The following ECM2 variants were observed in gnomAD, a reference collection of about 807,000 sequenced individuals.
ECM2 encodes the protein extracellular matrix protein 2, female organ and adipocyte specific.
In ECM2, 57 loss-of-function variants were observed where a neutral mutation model predicts 67.5. The observed-to-expected ratio is 0.84, with a 90% confidence interval of 0.68 to 1.05. The LOEUF (loss-of-function observed/expected upper bound fraction) is 1.05. Ranked by LOEUF, ECM2 falls within the 50% of genes least tolerant of loss-of-function variation. The pLI, the probability that ECM2 is intolerant of heterozygous loss-of-function variation, is 0.00. For missense variants in ECM2, 741 were observed against 822.8 expected, an observed-to-expected ratio of 0.90 and a Z score of 1.22; for synonymous variants, 258 against 294.5, an observed-to-expected ratio of 0.88 and a Z score of 1.27.
intron 4 of ECM2, 71 bp downstream of exon 4, chr9:92,514,560 C>T: frequency 6.6e-7 from 1 of 1,510,750 alleles, no homozygotes; most frequent in Non-Finnish European, 8.9e-7. Context: ...TAGGCGTGAG[C>T]CACCGTGCCC....
intron 4 of ECM2, among the ~76,000 whole-genome samples, chr9:92,513,304 C>T (rs1021497039): frequency 3.3e-5 from 5 of 152,192 alleles, no homozygotes; most frequent in African/African-American, 1.2e-4. Context: ...AAACAACTGA[C>T]AGTACCAAGT....
chr9:92,517,014 CAGA>C (rs71640591), intron 3 of ECM2: 6,048 of 152,462 alleles, frequency 0.04, 183 homozygotes, highest in South Asian at 0.098. Context: ...AGGCTTTTCT[CAGA>C]GGAGACTGGG....
At chr9:92,532,609 T>C (rs982457515) in intron 1 of ECM2, among the ~76,000 whole-genome samples, 8 of 152,324 alleles carry the variant, frequency 5.3e-5, no homozygotes, top group East Asian at 1.9e-4. Flanking sequence ...TCATCTGTGA[T>C]TTATCTGCTA....
At chr9:92,508,197 C>T (rs957851261) in intron 6 of ECM2, among the ~76,000 whole-genome samples, 1 of 152,168 alleles carries the variant, frequency 6.6e-6, no homozygotes, top group Non-Finnish European at 1.5e-5. Context: ...GCCCAGCACC[C>T]GAGGGGCCAG....
At chr9:92,554,209 G>C in the ECM2 span, among the ~76,000 whole-genome samples, 480 of 150,772 alleles carry the variant, frequency 3.2e-3, 4 homozygotes, top group Middle Eastern at 0.017. Flanking sequence ...TTGAGACGGA[G>C]TTTCGCTCTT....
intron 3 of ECM2, among the ~76,000 whole-genome samples, chr9:92,515,447 T>C (rs1453275757): frequency 6.6e-6 from 1 of 152,232 alleles, no homozygotes; most frequent in African/African-American, 2.4e-5. Context: ...ATTAAATAAC[T>C]TAATGCTTAT....
rs1004940780 is a variant in ECM2, at chr9:92,495,986, A to G, written c.*329T>C. 2.5e-5 allele frequency: 25 copies of G among 993,612 alleles called. No homozygotes were observed. The highest frequency in any genetic ancestry group is 8.4e-6 in the Non-Finnish European group (7 of 835,752). The allele number at this position is 993,612 out of a possible 1,614,324, so 61.5% of individuals were successfully genotyped here. A position where few individuals can be genotyped will look rare whatever the true frequency, so the allele number is the denominator to read the frequency against. On this transcript the variant is annotated 3_prime_UTR_variant, in exon 10 of 10. Transcript: ENST00000344604. ...GGGACTTACAGAGTTCTCAGCTAACACCAGTATTCAAGTTGATTATAAAGG... is the reference window on the plus strand; with the variant it reads ...GGGACTTACAGAGTTCTCAGCTAACGCCAGTATTCAAGTTGATTATAAAGG...
In ECM2 at chr9:92,514,702, C is replaced by CTGT; in HGVS notation, c.982_983insACA (p.Ile327_Ser328insAsn). On this transcript the variant is annotated inframe_insertion, in exon 4 of 10. Transcript: ENST00000344604. The stretch of plus-strand genomic sequence containing the variant: ...CTGGGTAAGCATGGCGTTGATGCAG[C>CTGT]TGATGGTCCTGTAGGACAGAGAGCA... The CTGT allele has an allele frequency of 6.2e-7, 1 of 1,613,190 alleles. No homozygotes were observed.
downstream of ECM2, chr9:92,494,147 C>T (rs530819222): frequency 3.0e-5 from 48 of 1,597,344 alleles, no homozygotes; most frequent in African/African-American, 5.5e-4. Flanking sequence ...ATCTGAAACA[C>T]AGCTGAATAA....
chr9:92,495,745 A>G lies in ECM2; in HGVS notation c.*570T>C. ...TTCAAAACCAGGAAATTAACATTAC[A>G]GTAGTGTTTTAATTTTACACATGTA... is the stretch of plus-strand genomic sequence containing the variant. On this transcript the variant is annotated 3_prime_UTR_variant, in exon 10 of 10. Coordinates refer to ENST00000344604, the MANE Select transcript of ECM2 (RefSeq NM_001393.4). The G allele has an allele frequency of 1.1e-6, 1 of 934,390 alleles. No homozygotes were observed. The highest frequency in any genetic ancestry group is 1.3e-6 in the Non-Finnish European group (1 of 783,540). 57.9% of individuals were successfully genotyped at this position (934,390 alleles called of 1,614,324 possible).
chr9:92,535,810 C>T (rs114629432), intron 1 of ECM2, 123 bp downstream of exon 1: 199 of 308,086 alleles, frequency 6.5e-4, no homozygotes, highest in African/African-American at 4.0e-3. Flanking sequence ...ATACTTTGAA[C>T]TTTAAAAATC....
chr9:92,504,057 C>A (rs1325071801), intron 7 of ECM2, among the ~76,000 whole-genome samples: 3 of 152,224 alleles, frequency 2.0e-5, no homozygotes, highest in African/African-American at 7.2e-5. Flanking sequence ...AGCTCAGGCT[C>A]ACAGTGGGGC....
chr9:92,532,015 G>GTTTTTTTTTATTTATTTTTTT (rs1848800192), intron 1 of ECM2, among the ~76,000 whole-genome samples: 1 of 95,732 alleles, frequency 1.0e-5, no homozygotes. Context: ...TTTATTTAAT[G>GTTTTTTTTTATTTATTTTTTT]TTTTTTTTTT....
chr9:92,546,632 A>T, the ECM2 span, among the ~76,000 whole-genome samples: 2 of 152,174 alleles, frequency 1.3e-5, no homozygotes, highest in African/African-American at 4.8e-5. Flanking sequence ...CAGAAGGAAC[A>T]AACTCTGGAC....
the ECM2 span, among the ~76,000 whole-genome samples, chr9:92,548,424 T>G: frequency 2.6e-5 from 4 of 152,198 alleles, no homozygotes; most frequent in Admixed American, 6.5e-5. Flanking sequence ...ATTAGGGGGT[T>G]GTCCACCCCA....
At chr9:92,500,546 T>A (rs1321987746) in intron 9 of ECM2, among the ~76,000 whole-genome samples, 181 bp downstream of exon 9, 1 of 152,134 alleles carries the variant, frequency 6.6e-6, no homozygotes, top group African/African-American at 2.4e-5. Flanking sequence ...TTATAATGAA[T>A]CCTCACATAC....
At chr9:92,540,367 G>A (rs531619624), upstream of ECM2, among the ~76,000 whole-genome samples, 2 of 151,736 alleles carry the variant, frequency 1.3e-5, no homozygotes, top group Admixed American at 6.6e-5. Context: ...GAACCCAGGC[G>A]GCAAAGGTCG....
intron 1 of ECM2, among the ~76,000 whole-genome samples, chr9:92,532,680 G>C (rs530996534): frequency 1.2e-4 from 19 of 152,114 alleles, no homozygotes; most frequent in African/African-American, 4.6e-4. Context: ...CAGGTTTTCA[G>C]TATGTTCTTT....
At chr9:92,502,360 T>C (rs528539919) in intron 8 of ECM2, among the ~76,000 whole-genome samples, 153 bp downstream of exon 8, 1 of 152,300 alleles carries the variant, frequency 6.6e-6, no homozygotes, top group African/African-American at 2.4e-5. Context: ...ACTTTGGGGA[T>C]AGGGTAAGGG....
Sources: gnomAD v4.1 joint callset for allele counts (sites outside exome capture counted in the v4.1 genomes callset) on GRCh38, gnomAD v4.1.1 for gene constraint, MANE v1.5 for transcripts, NCBI Gene and HGNC (gene_info 2026-07-23, HGNC 2026-07-21) for gene names.